The following PINX1 variants were observed in gnomAD, a reference collection of about 807,000 sequenced individuals.
The protein encoded by PINX1 is PIN2/TERF1-interacting telomerase inhibitor 1.
A neutral mutation model predicts 25.4 loss-of-function variants in PINX1; 34 were observed. That is an observed-to-expected ratio of 1.34 (90% CI 1.02 to 1.78). The LOEUF (loss-of-function observed/expected upper bound fraction) is 1.78. Ranked by LOEUF, PINX1 falls within the 40% of genes most tolerant of loss-of-function variation. The probability of loss-of-function intolerance (pLI) is 0.00; values close to 1 mark genes in which losing one functional copy is unlikely to be tolerated. For synonymous variants in PINX1, 197 were observed against 147.7 expected (o/e 1.33, Z -2.42); for missense variants, 592 against 404.9 (o/e 1.46, Z -3.97).
At chr8:10,825,498 A>C (rs1586201133) in intron 5 of PINX1, 1 of 531,938 alleles carries the variant, frequency 1.9e-6, no homozygotes, top group East Asian at 5.5e-5. Flanking sequence ...CTTCTTTCCA[A>C]TGCAAGATCG....
intron 6 of PINX1, among the ~76,000 whole-genome samples, chr8:10,769,359 A>G (rs1222922375): frequency 1.3e-5 from 2 of 152,218 alleles, no homozygotes; most frequent in African/African-American, 4.8e-5. Context: ...AGCGCTAATG[A>G]GTGCATCACA....
intron 6 of PINX1, among the ~76,000 whole-genome samples, chr8:10,800,177 A>G (rs989253837): frequency 6.6e-6 from 1 of 152,214 alleles, no homozygotes; most frequent in Admixed American, 6.5e-5. Flanking sequence ...CCTTGGGTGC[A>G]GGAATATTAC....
chr8:10,782,431 A>AT (rs35399971), intron 6 of PINX1, among the ~76,000 whole-genome samples: 40,802 of 149,512 alleles, frequency 0.27, 5,886 homozygotes, highest in Admixed American at 0.42. Flanking sequence ...AAAAAAAAAA[A>AT]TTTTTTTTTT....
chr8:10,830,914 A>C (rs1258736197), intron 4 of PINX1, among the ~76,000 whole-genome samples: 4 of 152,208 alleles, frequency 2.6e-5, no homozygotes, highest in African/African-American at 7.2e-5. Context: ...TTAAAAATAG[A>C]ACTACTATAT....
intron 6 of PINX1, among the ~76,000 whole-genome samples, chr8:10,782,818 C>T (rs1176241038): frequency 6.6e-6 from 1 of 152,168 alleles, no homozygotes; most frequent in Non-Finnish European, 1.5e-5. Flanking sequence ...AGCTGCAATG[C>T]ATTGAAACGT....
intron 4 of PINX1, among the ~76,000 whole-genome samples, chr8:10,830,238 C>T (rs75249289): frequency 0.011 from 1,661 of 152,318 alleles, 22 homozygotes; most frequent in African/African-American, 0.029. Flanking sequence ...ATAAGGAAAA[C>T]TGTCCAAGTT....
chr8:10,805,566 C>T (rs1291637777), intron 6 of PINX1, among the ~76,000 whole-genome samples: 1 of 141,984 alleles, frequency 7.0e-6, no homozygotes, highest in Admixed American at 7.2e-5. Flanking sequence ...AGGGGCCACA[C>T]TAGTGCTGAG....
chr8:10,830,550 A>G (rs770146704), intron 4 of PINX1, among the ~76,000 whole-genome samples: 3 of 152,242 alleles, frequency 2.0e-5, no homozygotes, highest in Non-Finnish European at 4.4e-5. Context: ...TCAATCTACC[A>G]AATATCTTTT....
intron 6 of PINX1, among the ~76,000 whole-genome samples, chr8:10,782,052 C>T (rs978053141): frequency 2.0e-5 from 3 of 151,986 alleles, no homozygotes; most frequent in Admixed American, 2.0e-4. Context: ...CATGGATGAA[C>T]CTAGATGACA....
chr8:10,827,070 C>T (rs1449619284), intron 4 of PINX1, among the ~76,000 whole-genome samples: 5 of 152,090 alleles, frequency 3.3e-5, no homozygotes, highest in East Asian at 1.9e-4. Flanking sequence ...TTCCCGGTTG[C>T]GAAAAGCCAC....
chr8:10,808,850 T>A (rs1027221905), intron 6 of PINX1, among the ~76,000 whole-genome samples: 2 of 152,090 alleles, frequency 1.3e-5, no homozygotes, highest in Admixed American at 1.3e-4. Context: ...TATTTTTCTA[T>A]CAACAACACA....
intron 6 of PINX1, among the ~76,000 whole-genome samples, chr8:10,781,722 T>C (rs1001423702): frequency 6.6e-6 from 1 of 151,874 alleles, no homozygotes; most frequent in Admixed American, 6.6e-5. Context: ...ACAGGAACCC[T>C]GTACACTGCT....
At position 10,802,760 on chromosome 8, in the gene PINX1, TG is replaced by T. The variant is rs1054711532; in HGVS notation, c.471+17432del. Reference sequence around the variant, plus strand: ...TGTACCAGACCTCCAGGGTGGGGGATGGGGTGCTCTGCTCAGAGGACTGGGG... The same window carrying T: ...TGTACCAGACCTCCAGGGTGGGGGATGGGTGCTCTGCTCAGAGGACTGGGG... On this transcript the variant is annotated intron_variant, in intron 6 of 6. Transcript: ENST00000314787. 3.3e-5 allele frequency among the ~76,000 whole-genome samples: 5 copies of T among 152,200 alleles called. No individual in the cohort carries two copies. The South Asian group carries it at 6.2e-4, about 19-fold the overall frequency.
At chr8:10,779,179 G>A (rs1801505921) in intron 6 of PINX1, among the ~76,000 whole-genome samples, 1 of 152,192 alleles carries the variant, frequency 6.6e-6, no homozygotes, top group Non-Finnish European at 1.5e-5. Flanking sequence ...AGGATTATGT[G>A]TAAGCAGCAA....
At chr8:10,838,237 A>G (rs1410541951) in intron 1 of PINX1, among the ~76,000 whole-genome samples, 2 of 152,248 alleles carry the variant, frequency 1.3e-5, no homozygotes, top group African/African-American at 2.4e-5. Flanking sequence ...AACAACACCA[A>G]TCCTAAGTAT....
chr8:10,835,509 C>G (rs948472246), intron 1 of PINX1, among the ~76,000 whole-genome samples: 1 of 152,176 alleles, frequency 6.6e-6, no homozygotes, highest in Non-Finnish European at 1.5e-5. Context: ...AATAACAATC[C>G]CATCCCTCTC....
At chr8:10,783,910 A>ATTTC (rs995513020) in intron 6 of PINX1, among the ~76,000 whole-genome samples, 3 of 152,240 alleles carry the variant, frequency 2.0e-5, no homozygotes, top group African/African-American at 4.8e-5. Flanking sequence ...ATGACTAGAA[A>ATTTC]GTAGGCTCTG....
intron 3 of PINX1, among the ~76,000 whole-genome samples, chr8:10,832,033 G>T (rs1168420365): frequency 6.6e-6 from 1 of 152,218 alleles, no homozygotes; most frequent in Non-Finnish European, 1.5e-5. Flanking sequence ...CAGGCAACCT[G>T]TGTGCTAAAT....
intron 6 of PINX1, among the ~76,000 whole-genome samples, chr8:10,798,856 C>T (rs778487588): frequency 5.3e-5 from 8 of 152,132 alleles, no homozygotes; most frequent in Admixed American, 3.3e-4. Flanking sequence ...ATAAGTCCAC[C>T]GGGTGATTCT....
Sources: gnomAD v4.1 joint callset for allele counts (sites outside exome capture counted in the v4.1 genomes callset) on GRCh38, gnomAD v4.1.1 for gene constraint, MANE v1.5 for transcripts, NCBI Gene and HGNC (gene_info 2026-07-23, HGNC 2026-07-21) for gene names.